The following CFAP54 variants were observed in gnomAD, a reference collection of about 807,000 sequenced individuals.
The protein encoded by CFAP54 is cilia- and flagella-associated protein 54.
In CFAP54, 290 loss-of-function variants were observed where a neutral mutation model predicts 370.4. The observed-to-expected ratio is 0.78, with a 90% CI of 0.71 to 0.86. CFAP54 has a LOEUF of 0.86. Ranked by LOEUF, CFAP54 falls within the 40% of genes least tolerant of loss-of-function variation. CFAP54 has a pLI of 0.00. For synonymous variants in CFAP54, 1,206 were observed against 1,236.5 expected, an observed-to-expected ratio of 0.98 and a Z score of 0.52; for missense variants, 3,399 against 3,528.7, an observed-to-expected ratio of 0.96 and a Z score of 0.93.
rs144230432 is a variant in CFAP54 at position 96,513,368 on chromosome 12, G to A, written c.798+324G>A. On this transcript the variant is annotated intron_variant, in intron 5 of 67. Coordinates refer to ENST00000524981, the MANE Select transcript of CFAP54 (RefSeq NM_001306084.2). The stretch of plus-strand genomic sequence containing the variant: ...ATAGCTTTAGGTAGGGTGACCATCC[G>A]TCCTGGCTTGCCCAGGAAAGTCCCG... Among the ~76,000 whole-genome samples the A allele has an allele frequency of 5.2e-3, 790 of 152,250 alleles. 11 individuals carry two copies. The highest frequency in any genetic ancestry group is 0.018 in the African/African-American group (742 of 41,552).
intron 13 of CFAP54, among the ~76,000 whole-genome samples, chr12:96,539,088 T>TTTTTTC (rs1955542493): frequency 6.8e-6 from 1 of 147,752 alleles, no homozygotes; most frequent in Non-Finnish European, 1.5e-5. Flanking sequence ...GTTTTTGTTT[T>TTTTTTC]TGAGATGGAG....
At position 96,534,179 on chromosome 12, in the gene CFAP54, AAAG is replaced by A. The variant is rs757589043; in HGVS notation, c.1661_1663del (p.Glu554del). ...TTTGATCTTTCCTTTGGAAAACTAT[AAAG>A]AAGGACAGTCAACTCAAATTTATTT... is the stretch of plus-strand genomic sequence containing the variant. On this transcript the variant is annotated inframe_deletion, in exon 11 of 68. Coordinates refer to ENST00000524981, the MANE Select transcript of CFAP54 (RefSeq NM_001306084.2). The A allele has an allele frequency of 7.3e-6, 11 of 1,507,452 alleles. No individual in the cohort carries two copies. In the East Asian group the frequency reaches 2.0e-4, roughly 27 times the overall value. The allele number at this position is 1,507,452 out of a possible 1,614,324, so 93.4% of individuals were successfully genotyped here. A position where few individuals can be genotyped will look rare whatever the true frequency, so the allele number is the denominator to read the frequency against.
chr12:96,553,180 T>G (rs556997483), intron 15 of CFAP54, among the ~76,000 whole-genome samples: 1 of 152,308 alleles, frequency 6.6e-6, no homozygotes, highest in African/African-American at 2.4e-5. Context: ...GTATTAAGTC[T>G]TCTTTTGCTT....
chr12:96,593,030 A>G (rs1430938993), intron 24 of CFAP54, among the ~76,000 whole-genome samples: 1 of 152,178 alleles, frequency 6.6e-6, no homozygotes, highest in Non-Finnish European at 1.5e-5. Flanking sequence ...TGGGATTATG[A>G]TCTACTTGCT....
At chr12:96,691,427 CTA>C in intron 44 of CFAP54, 117 bp downstream of exon 44, 1 of 621,786 alleles carries the variant, frequency 1.6e-6, no homozygotes, top group Non-Finnish European at 2.6e-6. Context: ...CTTTTAAACT[CTA>C]TATATGTGGG....
chr12:96,733,413 G>A (rs572262026), intron 50 of CFAP54, among the ~76,000 whole-genome samples: 1 of 152,272 alleles, frequency 6.6e-6, no homozygotes, highest in African/African-American at 2.4e-5. Flanking sequence ...GGTAGAGTGA[G>A]TTGCATGGAT....
intron 47 of CFAP54, among the ~76,000 whole-genome samples, chr12:96,706,248 T>C (rs1284945101): frequency 6.6e-6 from 1 of 152,122 alleles, no homozygotes; most frequent in Non-Finnish European, 1.5e-5. Context: ...CGGAGAACCA[T>C]GCTGTGGGAG....
chr12:96,772,436 G>A (rs1958472210), intron 60 of CFAP54, among the ~76,000 whole-genome samples: 1 of 152,074 alleles, frequency 6.6e-6, no homozygotes, highest in African/African-American at 2.4e-5. Context: ...TATCTTCCAA[G>A]CCAGCAGCGT....
intron 14 of CFAP54, among the ~76,000 whole-genome samples, chr12:96,544,410 ATCTCTCTCTCTCTC>A (rs71068815): frequency 6.5e-4 from 96 of 147,856 alleles, no homozygotes; most frequent in Non-Finnish European, 8.2e-4. Context: ...AAAACAGAAT[ATCTCTCTCTCTCTC>A]TCTCTCTCTC....
chr12:96,708,347 GGTTTACTCTGCCAC>G (rs1321944364), intron 47 of CFAP54, among the ~76,000 whole-genome samples: 1 of 152,102 alleles, frequency 6.6e-6, no homozygotes, highest in Non-Finnish European at 1.5e-5. Context: ...CTGAGCACCA[GGTTTACTCTGCCAC>G]GATGGCAGAG....
chr12:96,743,625 AT>A, intron 53 of CFAP54, 66 bp downstream of exon 53: 1 of 1,599,990 alleles, frequency 6.3e-7, no homozygotes, highest in Non-Finnish European at 8.5e-7. Flanking sequence ...AAAGGAGAGA[AT>A]TTCAAATTCC....
At chr12:96,849,534 T>C (rs781557931) in intron 66 of CFAP54, among the ~76,000 whole-genome samples, 2 of 152,246 alleles carry the variant, frequency 1.3e-5, no homozygotes, top group Non-Finnish European at 2.9e-5. Context: ...TCGTAGATTC[T>C]TTGAAGACTA....
Position 96,576,670 on chromosome 12 carries a change from A to G in CFAP54, c.2705A>G (p.Lys902Arg). 5 of 1,535,854 alleles carry G rather than the reference A, an allele frequency of 3.3e-6. No homozygotes were observed. The highest frequency in any genetic ancestry group is 3.5e-6 in the Non-Finnish European group (4 of 1,146,658). ...AAATATTTGGAAAGTTCAAAAAGAA[A>G]GAAAAGCAGAGTCCCCCCTCCACCT... ...YQKYLESSKR[K>R]KSRVPPPPIL... The change falls in exon 20 of 68, where the codon AAG (lysine) becomes AGG (arginine). Residue 902 changes from lysine to arginine, a missense_variant. Around this residue, in one of 3 missense-constraint regions of CFAP54, gnomAD observed 2,796 missense variants for 2,869.7 expected, o/e 0.97. Coordinates refer to ENST00000524981, the MANE Select transcript of CFAP54 (RefSeq NM_001306084.2).
chr12:96,828,032 A>ATAATATATAATTATATATTAATATATTAT (rs1247277477), intron 65 of CFAP54, among the ~76,000 whole-genome samples: 11 of 126,566 alleles, frequency 8.7e-5, no homozygotes, highest in East Asian at 4.1e-4. Context: ...GTATTAATAT[A>ATAATATATAATTATATATTAATATATTAT]TAATATATAA....
chr12:96,652,305 T>C (rs774177138), intron 36 of CFAP54, among the ~76,000 whole-genome samples: 3 of 152,212 alleles, frequency 2.0e-5, no homozygotes, highest in Admixed American at 2.0e-4. Context: ...CCTAAACGCA[T>C]TGAAAATTAG....
At chr12:96,637,257 T>G (rs1409469483) in intron 32 of CFAP54, among the ~76,000 whole-genome samples, 1 of 152,246 alleles carries the variant, frequency 6.6e-6, no homozygotes. Flanking sequence ...TAATATTTCA[T>G]GGTATGGATA....
intron 63 of CFAP54, among the ~76,000 whole-genome samples, chr12:96,796,847 GT>G (rs1958768358): frequency 6.6e-6 from 1 of 152,112 alleles, no homozygotes; most frequent in East Asian, 1.9e-4. Flanking sequence ...TTTTTAGTTA[GT>G]TTTGGTTAAT....
At position 96,738,889 on chromosome 12, in the gene CFAP54, C is replaced by T. The variant is rs556365311; in HGVS notation, c.6966-1067C>T. Among the ~76,000 whole-genome samples the T allele has an allele frequency of 2.0e-4, 30 of 152,262 alleles. No homozygotes were observed. In the East Asian group the frequency reaches 5.6e-3, roughly 28 times the overall value. ...CCTCCCAAAGTGCTGGGATTACAGGCGTGAGCCACTGCACCCGGCCCAAAT... is the reference window on the plus strand; with the variant it reads ...CCTCCCAAAGTGCTGGGATTACAGGTGTGAGCCACTGCACCCGGCCCAAAT... On this transcript the variant is annotated intron_variant, in intron 50 of 67. Transcript: ENST00000524981.
chr12:96,535,756 A>G (rs779583974), intron 12 of CFAP54, among the ~76,000 whole-genome samples, 156 bp downstream of exon 12: 3 of 152,168 alleles, frequency 2.0e-5, no homozygotes, highest in Non-Finnish European at 2.9e-5. Flanking sequence ...TCTGACTTGT[A>G]GTTTTAAGTT....
Sources: allele counts gnomAD v4.1 joint callset (sites outside exome capture counted in the v4.1 genomes callset), GRCh38; gene constraint gnomAD v4.1.1; regional missense constraint gnomAD v4.1.1; transcripts MANE v1.5; gene names NCBI Gene and HGNC (gene_info 2026-07-23, HGNC 2026-07-21).